CERS6: variants seen among roughly 807,000 people sequenced by gnomAD.
CERS6 encodes ceramide synthase 6, also known as LAG1 homolog, ceramide synthase 6.
Under a neutral mutation model 56.8 loss-of-function variants are expected in CERS6, and 26 were observed. The ratio of observed to expected loss-of-function variants is 0.46; its 90% confidence interval spans 0.34 to 0.63. CERS6 has a LOEUF of 0.63. Among genes scored for constraint, CERS6 ranks in the 30% least tolerant of loss-of-function variants. The pLI is 0.01. For missense variants in CERS6, 415 were observed against 467.5 expected (o/e 0.89, Z 1.04); for synonymous variants, 164 against 173.3 (o/e 0.95, Z 0.42).
chr2:168,707,647 C>T (rs188418158), intron 6 of CERS6, among the ~76,000 whole-genome samples: 11 of 152,230 alleles, frequency 7.2e-5, no homozygotes, highest in East Asian at 3.9e-4. Context: ...CCAAATAATT[C>T]GTGGGAGATT....
intron 1 of CERS6, among the ~76,000 whole-genome samples, chr2:168,486,569 T>A (rs189306905): frequency 1.5e-3 from 227 of 150,948 alleles, no homozygotes; most frequent in Non-Finnish European, 2.6e-3. Flanking sequence ...TCCGGAACCA[T>A]TTGTTGAAAA....
chr2:168,659,911 G>A (rs1414096047), intron 4 of CERS6, among the ~76,000 whole-genome samples: 1 of 152,066 alleles, frequency 6.6e-6, no homozygotes, highest in African/African-American at 2.4e-5. Context: ...AGCTAAAATT[G>A]ATCCTGAGTG....
chr2:168,622,323 G>T (rs1251047480), intron 3 of CERS6, among the ~76,000 whole-genome samples: 2 of 152,182 alleles, frequency 1.3e-5, no homozygotes, highest in Non-Finnish European at 2.9e-5. Flanking sequence ...ATGCTGGGCC[G>T]CATTCAAAGC....
chr2:168,616,555 A>G (rs534330049), intron 3 of CERS6, among the ~76,000 whole-genome samples: 9 of 152,370 alleles, frequency 5.9e-5, no homozygotes, highest in Admixed American at 4.6e-4. Flanking sequence ...TTTCCATGCA[A>G]ATGGACACCA....
chr2:168,726,253 G>A (rs1683347525), intron 8 of CERS6, among the ~76,000 whole-genome samples: 1 of 152,126 alleles, frequency 6.6e-6, no homozygotes, highest in Non-Finnish European at 1.5e-5. Context: ...GATTCACCGG[G>A]CTCTCTGGAC....
chr2:168,571,781 TC>T (rs201448315), intron 3 of CERS6, among the ~76,000 whole-genome samples: 2,010 of 152,324 alleles, frequency 0.013, 21 homozygotes, highest in Middle Eastern at 0.027. Context: ...AAATGGGGTA[TC>T]CATCACCTCA....
intron 4 of CERS6, among the ~76,000 whole-genome samples, chr2:168,685,792 TTACTGATGGA>T (rs993239963): frequency 1.3e-5 from 2 of 151,916 alleles, no homozygotes; most frequent in African/African-American, 4.8e-5. Flanking sequence ...CAAGGGAATG[TTACTGATGGA>T]TATGCTTGCT....
chr2:168,505,012 A>T (rs1694650694), intron 1 of CERS6, among the ~76,000 whole-genome samples: 1 of 152,138 alleles, frequency 6.6e-6, no homozygotes, highest in East Asian at 1.9e-4. Flanking sequence ...CAAGGGAAAG[A>T]CATGTAAGGT....
At chr2:168,502,686 C>A (rs1264774771) in intron 1 of CERS6, among the ~76,000 whole-genome samples, 2 of 152,226 alleles carry the variant, frequency 1.3e-5, no homozygotes, top group African/African-American at 2.4e-5. Flanking sequence ...AAAGGCACAT[C>A]TGCTGTCTAT....
chr2:168,769,876 C>T lies in CERS6; in HGVS notation c.*214C>T. 1 of 549,364 alleles carries T rather than the reference C, an allele frequency of 1.8e-6. No individual in the cohort carries two copies. Among genetic ancestry groups the T allele is most frequent in the Non-Finnish European group, 3.2e-6 (1 of 316,954 alleles). The allele number at this position is 549,364 out of a possible 1,614,324, so 34.0% of individuals were successfully genotyped here. A position where few individuals can be genotyped will look rare whatever the true frequency, so the allele number is the denominator to read the frequency against. The stretch of plus-strand genomic sequence containing the variant: ...GTAGGCATGCTGTATGTAATTGACA[C>T]AAGGGAACAGTATTTGCATTTGTAC... On this transcript the variant is annotated 3_prime_UTR_variant, in exon 10 of 10. Transcript: ENST00000305747.
intron 8 of CERS6, among the ~76,000 whole-genome samples, chr2:168,752,279 A>ATGTGTG (rs397870530): frequency 0.089 from 11,750 of 132,420 alleles, 592 homozygotes; most frequent in East Asian, 0.15. Flanking sequence ...AAAAAAATAA[A>ATGTGTG]TGTGTGTGTG....
At chr2:168,539,754 C>T (rs1439802451) in intron 1 of CERS6, among the ~76,000 whole-genome samples, 3 of 152,194 alleles carry the variant, frequency 2.0e-5, no homozygotes, top group African/African-American at 4.8e-5. Flanking sequence ...TAACCAAGGA[C>T]GTGTTAGTAG....
At chr2:168,731,691 A>T (rs748253752) in intron 8 of CERS6, among the ~76,000 whole-genome samples, 15 of 152,036 alleles carry the variant, frequency 9.9e-5, no homozygotes, top group Non-Finnish European at 1.8e-4. Context: ...TGGCATAACG[A>T]TTTTAAATTC....
intron 8 of CERS6, among the ~76,000 whole-genome samples, chr2:168,722,107 GTTAT>G (rs1234973752): frequency 6.6e-6 from 1 of 151,976 alleles, no homozygotes; most frequent in Non-Finnish European, 1.5e-5. Context: ...TTGTAATTTG[GTTAT>G]TTGTCTTTTT....
chr2:168,592,586 A>C (rs1434817701), intron 3 of CERS6, among the ~76,000 whole-genome samples: 1 of 152,066 alleles, frequency 6.6e-6, no homozygotes, highest in Non-Finnish European at 1.5e-5. Flanking sequence ...ATTAGCAGGA[A>C]TGAAAGGCTG....
intron 4 of CERS6, among the ~76,000 whole-genome samples, chr2:168,680,980 A>G (rs1486419149): frequency 6.6e-6 from 1 of 152,206 alleles, no homozygotes; most frequent in African/African-American, 2.4e-5. Context: ...GTTACCCAGG[A>G]GATGCTAAGT....
chr2:168,476,484 G>A (rs977844523), intron 1 of CERS6, among the ~76,000 whole-genome samples: 2 of 152,026 alleles, frequency 1.3e-5, no homozygotes, highest in African/African-American at 4.8e-5. Flanking sequence ...ATAGATAGAT[G>A]ATAGATAGAT....
chr2:168,672,468 A>G (rs985516975), intron 4 of CERS6, among the ~76,000 whole-genome samples: 2 of 152,220 alleles, frequency 1.3e-5, no homozygotes, highest in Non-Finnish European at 2.9e-5. Context: ...GGGGTAAACA[A>G]AACAAAAAAG....
chr2:168,563,138 C>T (rs753913236), intron 3 of CERS6, among the ~76,000 whole-genome samples: 51 of 152,104 alleles, frequency 3.4e-4, no homozygotes, highest in Non-Finnish European at 3.4e-4. Context: ...TGTTAAAATG[C>T]GGAATCTGAT....
Sources: allele counts gnomAD v4.1 joint callset (sites outside exome capture counted in the v4.1 genomes callset), GRCh38; gene constraint gnomAD v4.1.1; transcripts MANE v1.5; gene names NCBI Gene and HGNC (gene_info 2026-07-23, HGNC 2026-07-21).